Variants in PTPRT observed in about 807,000 individuals in gnomAD.
The protein encoded by PTPRT is receptor-type tyrosine-protein phosphatase T.
Under a neutral mutation model 176.8 loss-of-function variants are expected in PTPRT, and 56 were observed. The observed-to-expected ratio is 0.32, with a 90% CI of 0.26 to 0.40. The LOEUF is 0.40. Ranked by LOEUF, PTPRT falls within the 10% of genes least tolerant of loss-of-function variation. The pLI is 1.00. For missense variants in PTPRT, 1,540 were observed against 1,908.2 expected, an observed-to-expected ratio of 0.81 and a Z score of 3.60; for synonymous variants, 783 against 739.0, an observed-to-expected ratio of 1.06 and a Z score of -0.96.
At chr20:42,183,196 C>A (rs1409460222) in intron 16 of PTPRT, among the ~76,000 whole-genome samples, 1 of 152,098 alleles carries the variant, frequency 6.6e-6, no homozygotes, top group Admixed American at 6.5e-5. Flanking sequence ...TCCTGCTTAC[C>A]TCTTCAGGTT....
chr20:42,242,946 G>C (rs2056382129), intron 14 of PTPRT, among the ~76,000 whole-genome samples: 1 of 150,936 alleles, frequency 6.6e-6, no homozygotes, highest in African/African-American at 2.4e-5. Context: ...GTGGGGCACA[G>C]TTAGGAAGGT....
rs538522239 is a variant in PTPRT at position 42,742,331 on chromosome 20, G to C, written c.859+14131C>G. Among the ~76,000 whole-genome samples, 13 of 152,342 alleles carry C rather than the reference G, an allele frequency of 8.5e-5. No homozygotes were observed. The South Asian group carries it at 1.7e-3, about 19-fold the overall frequency. ...CAAGGCGAGAAGGGCCACGGTAACA[G>C]ACAGAGCCTCCCTGCAGTAGCACCA... On this transcript the variant is annotated intron_variant, in intron 6 of 30. Transcript: ENST00000373187.
intron 7 of PTPRT, among the ~76,000 whole-genome samples, chr20:42,485,911 G>A (rs528913631): frequency 2.0e-5 from 3 of 152,264 alleles, no homozygotes; most frequent in South Asian, 2.1e-4. Context: ...ATTTTCTGTC[G>A]AATCTCATTT....
At chr20:42,428,799 A>G (rs2059189901) in intron 9 of PTPRT, among the ~76,000 whole-genome samples, 1 of 152,136 alleles carries the variant, frequency 6.6e-6, no homozygotes, top group Non-Finnish European at 1.5e-5. Context: ...TCCAATACTG[A>G]CAGGGCACCC....
chr20:42,743,146 G>A (rs1017702911), intron 6 of PTPRT, among the ~76,000 whole-genome samples: 11 of 152,126 alleles, frequency 7.2e-5, no homozygotes, highest in South Asian at 2.1e-4. Flanking sequence ...TGCCTGCTCC[G>A]TACCACCAGG....
At chr20:42,295,220 G>C (rs2057370981) in intron 12 of PTPRT, among the ~76,000 whole-genome samples, 1 of 152,164 alleles carries the variant, frequency 6.6e-6, no homozygotes, top group South Asian at 2.1e-4. Context: ...CAAAGCCAAA[G>C]AGATTGAATA....
intron 1 of PTPRT, among the ~76,000 whole-genome samples, chr20:43,151,636 A>G (rs575784063): frequency 2.1e-4 from 32 of 152,048 alleles, no homozygotes; most frequent in African/African-American, 7.0e-4. Context: ...CTGAGGCAGG[A>G]GGATCACCTG....
chr20:42,851,368 A>G (rs2078466243), intron 2 of PTPRT, among the ~76,000 whole-genome samples: 1 of 152,078 alleles, frequency 6.6e-6, no homozygotes, highest in South Asian at 2.1e-4. Flanking sequence ...GCTGATTTCT[A>G]TTATTCTTAA....
intron 6 of PTPRT, among the ~76,000 whole-genome samples, chr20:42,680,143 C>A (rs2075578706): frequency 6.6e-6 from 1 of 152,170 alleles, no homozygotes; most frequent in South Asian, 2.1e-4. Context: ...GATAGAGACG[C>A]ACTAAGCATT....
chr20:42,663,367 T>C (rs939304195), intron 7 of PTPRT, among the ~76,000 whole-genome samples: 2 of 152,200 alleles, frequency 1.3e-5, no homozygotes, highest in African/African-American at 2.4e-5. Context: ...GGATGAGTTC[T>C]ATGCTGGGCA....
the PTPRT span, among the ~76,000 whole-genome samples, chr20:42,036,374 A>G: frequency 6.6e-6 from 1 of 152,174 alleles, no homozygotes; most frequent in Non-Finnish European, 1.5e-5. Context: ...AGCCACACGT[A>G]TACTCTTACA....
intron 1 of PTPRT, among the ~76,000 whole-genome samples, chr20:43,087,723 G>C (rs1194480371): frequency 6.6e-6 from 1 of 152,052 alleles, no homozygotes; most frequent in Non-Finnish European, 1.5e-5. Context: ...TATTAAAGGA[G>C]GGACGAATCT....
intron 17 of PTPRT, among the ~76,000 whole-genome samples, chr20:42,146,415 T>C (rs1988868918): frequency 6.6e-6 from 1 of 152,218 alleles, no homozygotes; most frequent in Non-Finnish European, 1.5e-5. Flanking sequence ...GTTGAGTACT[T>C]GCCATGTGCC....
intron 6 of PTPRT, among the ~76,000 whole-genome samples, chr20:42,709,033 T>C (rs2076103550): frequency 6.6e-6 from 1 of 152,204 alleles, no homozygotes; most frequent in African/African-American, 2.4e-5. Context: ...CTCAGAGAAC[T>C]GAAAATCCAA....
At chr20:42,597,839 C>T (rs1317067967) in intron 7 of PTPRT, among the ~76,000 whole-genome samples, 1 of 151,930 alleles carries the variant, frequency 6.6e-6, no homozygotes, top group African/African-American at 2.4e-5. Context: ...CCACCCATGC[C>T]CAAAGGGAGG....
chr20:42,053,388 C>T, the PTPRT span, among the ~76,000 whole-genome samples: 1 of 152,132 alleles, frequency 6.6e-6, no homozygotes, highest in African/African-American at 2.4e-5. Context: ...CCTTCTGTTT[C>T]CCCACCTTGC....
At chr20:42,692,480 T>G (rs2075807724) in intron 6 of PTPRT, among the ~76,000 whole-genome samples, 1 of 152,202 alleles carries the variant, frequency 6.6e-6, no homozygotes, top group African/African-American at 2.4e-5. Flanking sequence ...AGGAAGCACT[T>G]GATGGAAATC....
intron 7 of PTPRT, among the ~76,000 whole-genome samples, chr20:42,627,925 T>A (rs1210932983): frequency 2.0e-5 from 3 of 152,106 alleles, no homozygotes; most frequent in African/African-American, 7.2e-5. Flanking sequence ...TATTGTGAAG[T>A]CTTGTCTTTT....
chr20:42,530,474 A>G (rs144189504), intron 7 of PTPRT, among the ~76,000 whole-genome samples: 3 of 152,228 alleles, frequency 2.0e-5, no homozygotes, highest in African/African-American at 2.4e-5. Flanking sequence ...CTGCGTGAGC[A>G]TTGAATCTAA....
Sources: gnomAD v4.1 joint callset for allele counts (sites outside exome capture counted in the v4.1 genomes callset) on GRCh38, gnomAD v4.1.1 for gene constraint, MANE v1.5 for transcripts, NCBI Gene and HGNC (gene_info 2026-07-23, HGNC 2026-07-21) for gene names.